GAS2L3: variants seen among roughly 807,000 people sequenced by gnomAD.
GAS2L3 encodes growth arrest specific 2 like 3.
In GAS2L3, 28 loss-of-function variants were observed where a neutral mutation model predicts 37.0. The ratio of observed to expected loss-of-function variants is 0.76; its 90% CI spans 0.56 to 1.04. The LOEUF is 1.04. Ranked by LOEUF, GAS2L3 falls within the 50% of genes least tolerant of loss-of-function variation. The pLI, the probability that GAS2L3 is intolerant of heterozygous loss-of-function variation, is 0.00. For synonymous variants in GAS2L3, 290 were observed against 296.6 expected, an observed-to-expected ratio of 0.98 and a Z score of 0.23; for missense variants, 793 against 817.6, an observed-to-expected ratio of 0.97 and a Z score of 0.37.
intron 6 of GAS2L3, among the ~76,000 whole-genome samples, chr12:100,613,602 T>C (rs1460435210): frequency 6.6e-6 from 1 of 151,680 alleles, no homozygotes. Flanking sequence ...TTCTTTCTTT[T>C]TTTTTTTTTT....
At chr12:100,620,558 G>A (rs1408688665) in intron 8 of GAS2L3, among the ~76,000 whole-genome samples, 1 of 151,812 alleles carries the variant, frequency 6.6e-6, no homozygotes, top group Admixed American at 6.6e-5. Flanking sequence ...GAAAAGATAC[G>A]ACTTGTTATA....
At position 100,628,131 on chromosome 12, in the gene GAS2L3, G is replaced by C. The variant is rs991536159; in HGVS notation, c.*3241G>C. The C allele has an allele frequency of 1.2e-4, 19 of 152,064 alleles. No homozygotes were observed. Among genetic ancestry groups the C allele is most frequent in the Admixed American group, 1.2e-3 (18 of 15,258 alleles). 9.4% of individuals were successfully genotyped at this position (152,064 alleles called of 1,614,324 possible). On this transcript the variant is annotated 3_prime_UTR_variant, in exon 10 of 10. Transcript: ENST00000547754. ...TTAAAATCTGTTACTTTATTAAAAG[G>C]CTTCAACAACAGGTTGTTAGGATGT...
intron 6 of GAS2L3, 75 bp from the exon 7 acceptor site, chr12:100,617,669 T>C (rs1289108188): frequency 3.4e-6 from 3 of 894,852 alleles, no homozygotes; most frequent in Non-Finnish European, 5.5e-6. Flanking sequence ...TTTATTTAAC[T>C]CTCTTCTTCC....
intron 1 of GAS2L3, among the ~76,000 whole-genome samples, chr12:100,587,945 G>A (rs997837003): frequency 1.3e-5 from 2 of 152,206 alleles, no homozygotes; most frequent in South Asian, 4.1e-4. Context: ...CCAGCTACTC[G>A]GGAGGCTGAG....
chr12:100,608,339 A>C (rs1035073046), intron 5 of GAS2L3, among the ~76,000 whole-genome samples: 1 of 152,152 alleles, frequency 6.6e-6, no homozygotes, highest in African/African-American at 2.4e-5. Flanking sequence ...ACCTGAAGGC[A>C]GCACAGCACT....
At chr12:100,603,880 A>G (rs1956023109) in intron 5 of GAS2L3, among the ~76,000 whole-genome samples, 1 of 152,114 alleles carries the variant, frequency 6.6e-6, no homozygotes, top group South Asian at 2.1e-4. Flanking sequence ...ATTTTATTGA[A>G]GAGCCTGTCC....
intron 5 of GAS2L3, among the ~76,000 whole-genome samples, chr12:100,609,977 C>G (rs1347563708): frequency 7.9e-5 from 12 of 152,212 alleles, no homozygotes; most frequent in Admixed American, 7.9e-4. Context: ...CAATGTCTCT[C>G]TCAGTGATAC....
intron 2 of GAS2L3, among the ~76,000 whole-genome samples, chr12:100,592,695 A>G (rs1011587284): frequency 2.0e-5 from 3 of 152,112 alleles, no homozygotes; most frequent in Non-Finnish European, 4.4e-5. Context: ...TAAGTATAGT[A>G]TTCCTAACTT....
At position 100,618,587 on chromosome 12, in the gene GAS2L3, T is replaced by C. The variant is rs1011898418; in HGVS notation, c.648T>C (p.Ala216=). The C allele has an allele frequency of 1.9e-6, 3 of 1,604,770 alleles. No individual in the cohort carries two copies. Among genetic ancestry groups the C allele is most frequent in the Non-Finnish European group, 2.5e-6 (3 of 1,176,872 alleles). The change falls in exon 8 of 10, where the codon GCT becomes GCC. Residue 216 remains alanine (A), a splice_region_variant and synonymous_variant. Coordinates refer to ENST00000547754, the MANE Select transcript of GAS2L3 (RefSeq NM_174942.3). ...SCCRHEELHE[A]VKHIAEDPPC... ...GTCGGCATGAAGAGCTACATGAAGC[T>C]GTAAGTAGTTGCCACACTTTCTTTT...
intron 6 of GAS2L3, among the ~76,000 whole-genome samples, chr12:100,615,142 A>G (rs897281788): frequency 3.3e-5 from 5 of 152,154 alleles, no homozygotes; most frequent in Admixed American, 6.5e-5. Context: ...CAATGTTCCA[A>G]TTTCTCCACA....
intron 9 of GAS2L3, among the ~76,000 whole-genome samples, chr12:100,623,066 T>G (rs1956279630): frequency 6.6e-6 from 1 of 152,152 alleles, no homozygotes. Flanking sequence ...ACCATCCATA[T>G]TTTCTTCTAT....
rs542144086 is a variant in GAS2L3, at chr12:100,620,459, T to C, written c.649-1816T>C. 1.7e-3 allele frequency among the ~76,000 whole-genome samples: 260 copies of C among 152,132 alleles called. 2 individuals are homozygous for C. Among genetic ancestry groups the C allele is most frequent in the African/African-American group, 6.0e-3 (248 of 41,562 alleles). ...AATCATTTCTTACCTACAGCTCTTA[T>C]TTCTTTTAGGCTCATGCCTTGTTCT... On this transcript the variant is annotated intron_variant, in intron 8 of 9. Coordinates refer to ENST00000547754, the MANE Select transcript of GAS2L3 (RefSeq NM_174942.3).
chr12:100,623,578 A>G lies in GAS2L3; in HGVS notation c.773A>G (p.His258Arg), dbSNP rs1956285867. Reference protein sequence around the residue: ...ILFIRMLHGKHVMVRVGGGWD... With the variant: ...ILFIRMLHGKRVMVRVGGGWD... Reference sequence around the variant, plus strand: ...TGGGGGCAGATGCTTCATGGAAAACATGTCATGGTTCGCGTTGGTGGAGGC... The same window carrying G: ...TGGGGGCAGATGCTTCATGGAAAACGTGTCATGGTTCGCGTTGGTGGAGGC... The change falls in exon 10 of 10, where the codon CAT (histidine) becomes CGT (arginine). Residue 258 changes from histidine to arginine, a missense_variant. His to Arg is a conservative substitution (Grantham distance 29). Transcript: ENST00000547754. 1 of 1,601,086 alleles carries G rather than the reference A, an allele frequency of 6.2e-7. No homozygotes were observed. Among genetic ancestry groups the G allele is most frequent in the Non-Finnish European group, 8.5e-7 (1 of 1,174,452 alleles).
chr12:100,603,040 A>G (rs1201970433), intron 5 of GAS2L3, among the ~76,000 whole-genome samples: 1 of 152,144 alleles, frequency 6.6e-6, no homozygotes, highest in African/African-American at 2.4e-5. Flanking sequence ...TTACCTAGTC[A>G]TCTACTGATG....
At position 100,594,938 on chromosome 12, in the gene GAS2L3, G is replaced by T; in HGVS notation, c.18+16G>T. The T allele has an allele frequency of 8.3e-7, 1 of 1,209,576 alleles. No individual in the cohort carries two copies. The highest frequency in any genetic ancestry group is 2.3e-5 in the Admixed American group (1 of 43,816). 74.9% of individuals were successfully genotyped at this position (1,209,576 alleles called of 1,614,324 possible). A position where few individuals can be genotyped will look rare whatever the true frequency, so the allele number is the denominator to read the frequency against. ...TGCAATTCAAGTAAGTTTTTTTCTT[G>T]GAAACAATATTTAAATTATGAGATT... On this transcript the variant is annotated intron_variant, in intron 3 of 9. Transcript: ENST00000547754.
intron 1 of GAS2L3, chr12:100,578,857 A>C (rs1955671000): frequency 1.4e-6 from 1 of 737,502 alleles, no homozygotes; most frequent in Admixed American, 1.8e-5. Flanking sequence ...TATGTATGGC[A>C]TCTGACTTTT....
intron 1 of GAS2L3, among the ~76,000 whole-genome samples, chr12:100,587,576 G>T (rs772183563): frequency 3.3e-5 from 5 of 152,086 alleles, no homozygotes; most frequent in Non-Finnish European, 7.4e-5. Flanking sequence ...CATACAAGGG[G>T]CATACCTTAA....
chr12:100,574,721 A>G (rs543384488), intron 1 of GAS2L3, among the ~76,000 whole-genome samples: 118 of 152,374 alleles, frequency 7.7e-4, no homozygotes, highest in Non-Finnish European at 1.5e-3. Context: ...AAAAACAACA[A>G]GAACAACAGA....
At chr12:100,574,483 T>C (rs566546610) in intron 1 of GAS2L3, among the ~76,000 whole-genome samples, 1 of 152,280 alleles carries the variant, frequency 6.6e-6, no homozygotes, top group African/African-American at 2.4e-5. Context: ...GGAAGGCTTG[T>C]AGAGTGCCTT....
Sources: gnomAD v4.1 joint callset for allele counts (sites outside exome capture counted in the v4.1 genomes callset) on GRCh38, gnomAD v4.1.1 for gene constraint, MANE v1.5 for transcripts, NCBI Gene and HGNC (gene_info 2026-07-23, HGNC 2026-07-21) for gene names.